Variants in ZNRF1 observed in about 807,000 individuals in gnomAD.
ZNRF1 encodes zinc and ring finger 1.
Under a neutral mutation model 18.4 loss-of-function variants are expected in ZNRF1, and 3 were observed. The ratio of observed to expected loss-of-function variants is 0.16; its 90% CI spans 0.07 to 0.42. ZNRF1 has a LOEUF of 0.42. Ranked by LOEUF, ZNRF1 falls within the 10% of genes least tolerant of loss-of-function variation. The pLI is 0.99. For synonymous variants in ZNRF1, 157 were observed against 144.2 expected (o/e 1.09, Z -0.64); for missense variants, 310 against 329.8 (o/e 0.94, Z 0.47).
At chr16:75,057,460 C>T (rs945192338) in intron 1 of ZNRF1, among the ~76,000 whole-genome samples, 2 of 151,962 alleles carry the variant, frequency 1.3e-5, no homozygotes, top group African/African-American at 4.8e-5. Flanking sequence ...AGGGGCTTGG[C>T]CTGTTTGGTG....
At chr16:75,106,393 T>G in intron 3 of ZNRF1, 89 bp from the exon 4 acceptor site, 1 of 1,386,168 alleles carries the variant, frequency 7.2e-7, no homozygotes, top group Non-Finnish European at 1.0e-6. Context: ...AGGAAGCTCC[T>G]GCTCAGGAAT....
intron 1 of ZNRF1, among the ~76,000 whole-genome samples, chr16:75,064,242 G>A (rs2035776173): frequency 6.6e-6 from 1 of 151,762 alleles, no homozygotes; most frequent in Admixed American, 6.6e-5. Context: ...TGGAGGTTGC[G>A]GTGAGCCAAG....
chr16:75,048,986 A>T (rs1597879693), intron 1 of ZNRF1, among the ~76,000 whole-genome samples: 1 of 144,386 alleles, frequency 6.9e-6, no homozygotes, highest in African/African-American at 2.5e-5. Context: ...TTAGTTTTTT[A>T]TTTGCTGGAA....
At chr16:75,106,616 A>C in intron 4 of ZNRF1, 45 bp downstream of exon 4, 1 of 1,574,404 alleles carries the variant, frequency 6.4e-7, no homozygotes, top group Non-Finnish European at 8.7e-7. Context: ...GCTTGGGGTC[A>C]GGTCACTTTG....
chr16:75,020,834 G>GCCCGGCCCCTT (rs1458793597), intron 1 of ZNRF1, among the ~76,000 whole-genome samples: 1 of 151,408 alleles, frequency 6.6e-6, no homozygotes, highest in Non-Finnish European at 1.5e-5. Context: ...GAGCCACCGC[G>GCCCGGCCCCTT]CCCGGCCCCT....
chr16:75,096,358 T>C (rs2036200547), intron 2 of ZNRF1, among the ~76,000 whole-genome samples: 1 of 152,108 alleles, frequency 6.6e-6, no homozygotes, highest in African/African-American at 2.4e-5. Flanking sequence ...CGGGGGTGTA[T>C]GTGGAGTGGG....
chr16:75,067,810 G>C (rs565820998), intron 1 of ZNRF1, among the ~76,000 whole-genome samples: 66 of 152,136 alleles, frequency 4.3e-4, no homozygotes, highest in Non-Finnish European at 8.7e-4. Context: ...GTAGACTCTA[G>C]AAGGGCTAAA....
rs1275921422 is a variant in ZNRF1, at chr16:75,000,082, C to A, written c.411C>A (p.Phe137Leu). The change falls in exon 1 of 5, where the codon TTC becomes TTA. Residue 137 changes from phenylalanine to leucine, a missense_variant. Physicochemically the swap from Phe to Leu is conservative, Grantham distance 22. Transcript: ENST00000335325. ...CTCTGCACATCGCACCCAGGTGGTTCAGCTCGCATAGTGGTGAGTCCGCGG... is the reference window on the plus strand; with the variant it reads ...CTCTGCACATCGCACCCAGGTGGTTAAGCTCGCATAGTGGTGAGTCCGCGG... ...ALPLHIAPRW[F>L]SSHSGFKCPI... 1 of 1,601,342 alleles carries A rather than the reference C, an allele frequency of 6.2e-7. No individual in the cohort carries two copies. The highest frequency in any genetic ancestry group is 1.7e-5 in the Admixed American group (1 of 57,522).
At chr16:75,095,609 AGAAGCCTCAGAG>A in intron 2 of ZNRF1, 1 of 1,547,242 alleles carries the variant, frequency 6.5e-7, no homozygotes, top group Non-Finnish European at 8.7e-7. Flanking sequence ...AAGAATACAA[AGAAGCCTCAGAG>A]GGGCTCAGCC....
intron 1 of ZNRF1, among the ~76,000 whole-genome samples, chr16:75,087,958 G>A (rs979771961): frequency 6.6e-6 from 1 of 152,252 alleles, no homozygotes; most frequent in Non-Finnish European, 1.5e-5. Context: ...GGAGTGTCCT[G>A]TAGATGTCTC....
At chr16:75,051,611 G>A (rs544653849) in intron 1 of ZNRF1, among the ~76,000 whole-genome samples, 6 of 152,012 alleles carry the variant, frequency 3.9e-5, no homozygotes, top group South Asian at 2.1e-4. Flanking sequence ...TCTACCTCCC[G>A]GGTTCAAGCG....
At chr16:75,100,051 C>G (rs1402111389) in intron 2 of ZNRF1, among the ~76,000 whole-genome samples, 1 of 152,308 alleles carries the variant, frequency 6.6e-6, no homozygotes, top group Admixed American at 6.5e-5. Flanking sequence ...TGTGTGGGCA[C>G]TGCTGGCTTC....
At chr16:75,000,120 T>C in intron 1 of ZNRF1, 25 bp downstream of exon 1, 1 of 1,587,488 alleles carries the variant, frequency 6.3e-7, no homozygotes, top group Admixed American at 1.8e-5. Flanking sequence ...GGTGGAGGCC[T>C]CGGAGGGAGG....
rs373057209 is a variant in ZNRF1 at position 75,088,313 on chromosome 16, C to G, written c.425-5259C>G. 3.3e-5 allele frequency among the ~76,000 whole-genome samples: 5 copies of G among 152,302 alleles called. No individual in the cohort carries two copies. The South Asian group carries it at 1.0e-3, about 32-fold the overall frequency. On this transcript the variant is annotated intron_variant, in intron 1 of 4. Coordinates refer to ENST00000335325, the MANE Select transcript of ZNRF1 (RefSeq NM_032268.5). ...TCTTTTCTAGCTGTCCGTGTTTTTTCTGTCCTTCTTACCTTTTACCCTTTA... is the reference window on the plus strand; with the variant it reads ...TCTTTTCTAGCTGTCCGTGTTTTTTGTGTCCTTCTTACCTTTTACCCTTTA...
At chr16:75,030,516 G>T (rs1376212954) in intron 1 of ZNRF1, among the ~76,000 whole-genome samples, 1 of 152,030 alleles carries the variant, frequency 6.6e-6, no homozygotes, top group Admixed American at 6.6e-5. Flanking sequence ...AAATCTTACT[G>T]ACCTTGCATT....
chr16:75,046,284 C>A (rs1267064934), intron 1 of ZNRF1, among the ~76,000 whole-genome samples: 1 of 150,918 alleles, frequency 6.6e-6, no homozygotes, highest in Non-Finnish European at 1.5e-5. Context: ...CAGAGTTTTG[C>A]TCTGTCACCC....
rs59289376 is a variant in ZNRF1 at position 75,059,245 on chromosome 16, C to CTT, written c.425-34311_425-34310dup. On this transcript the variant is annotated intron_variant, in intron 1 of 4. Transcript: ENST00000335325. ...TCTTTCTTTCTTTTTTTTTTTTTTT[C>CTT]TTTTTTTTTTTTTTTTTGTGGAGAA... Among the ~76,000 whole-genome samples, 50 of 66,998 alleles carry CTT rather than the reference C, an allele frequency of 7.5e-4. 1 individual carries two copies. Among genetic ancestry groups the CTT allele is most frequent in the African/African-American group, 2.3e-3 (45 of 19,360 alleles). 44.0% of individuals were successfully genotyped at this position (66,998 alleles called of 152,430 possible). A position where few individuals can be genotyped will look rare whatever the true frequency, so the allele number is the denominator to read the frequency against.
intron 2 of ZNRF1, 65 bp from the exon 3 acceptor site, chr16:75,104,719 C>T: frequency 3.5e-6 from 5 of 1,436,908 alleles, no homozygotes; most frequent in Admixed American, 2.0e-5. Flanking sequence ...TAGGCCCTTG[C>T]TTGCCCCATG....
At chr16:75,106,095 C>G (rs768129144) in intron 3 of ZNRF1, 5 of 191,174 alleles carry the variant, frequency 2.6e-5, no homozygotes, top group Non-Finnish European at 4.4e-5. Context: ...GTTCCCACTT[C>G]CCTGCCCTTG....
Sources: gnomAD v4.1 joint callset for allele counts (sites outside exome capture counted in the v4.1 genomes callset) on GRCh38, gnomAD v4.1.1 for gene constraint, MANE v1.5 for transcripts, NCBI Gene and HGNC (gene_info 2026-07-23, HGNC 2026-07-21) for gene names.